TRAF3IP2: variants seen among roughly 807,000 people sequenced by gnomAD.
TRAF3IP2 encodes TRAF3 interacting protein 2.
In TRAF3IP2, 35 loss-of-function variants were observed where a neutral mutation model predicts 57.9. The observed-to-expected ratio is 0.60, with a 90% CI of 0.46 to 0.80. The LOEUF is 0.80. Among genes scored for constraint, TRAF3IP2 ranks in the 30% least tolerant of loss-of-function variants. The probability of loss-of-function intolerance (pLI) is 0.00; values close to 1 mark genes in which losing one functional copy is unlikely to be tolerated. For missense variants in TRAF3IP2, 556 were observed against 706.4 expected (o/e 0.79, Z 2.41); for synonymous variants, 251 against 268.9 (o/e 0.93, Z 0.65).
intron 8 of TRAF3IP2, 54 bp from the exon 9 acceptor site, chr6:111,559,605 C>A: frequency 6.3e-7 from 1 of 1,587,136 alleles, no homozygotes; most frequent in Non-Finnish European, 8.6e-7. Flanking sequence ...ACCTGGATGC[C>A]AGATCCCAGG....
intron 3 of TRAF3IP2, among the ~76,000 whole-genome samples, chr6:111,578,918 TCTA>T (rs1796076206): frequency 6.6e-6 from 1 of 152,236 alleles, no homozygotes; most frequent in Non-Finnish European, 1.5e-5. Flanking sequence ...AAACATTTAA[TCTA>T]CTTTCTTCCA....
chr6:111,572,160 C>T (rs1405795751), intron 5 of TRAF3IP2, among the ~76,000 whole-genome samples: 5 of 152,084 alleles, frequency 3.3e-5, no homozygotes. Context: ...AAGCCAGTCC[C>T]CTGAGTAGCA....
intron 7 of TRAF3IP2, among the ~76,000 whole-genome samples, chr6:111,564,876 G>A (rs1468913115): frequency 1.3e-5 from 2 of 152,148 alleles, no homozygotes; most frequent in East Asian, 1.9e-4. Context: ...CAGCTTCTGG[G>A]ACTGGCAGGT....
At chr6:111,592,775 A>G (rs533232412) in intron 1 of TRAF3IP2, among the ~76,000 whole-genome samples, 1 of 152,132 alleles carries the variant, frequency 6.6e-6, no homozygotes, top group Non-Finnish European at 1.5e-5. Context: ...TTAAGCAAAG[A>G]AAGCAAGCCC....
chr6:111,579,102 G>A (rs923246630), intron 3 of TRAF3IP2, among the ~76,000 whole-genome samples: 15 of 151,882 alleles, frequency 9.9e-5, no homozygotes, highest in African/African-American at 3.1e-4. Context: ...AGGCCGAGGC[G>A]GGCAGATCAC....
chr6:111,584,644 C>CAA (rs199673946), intron 2 of TRAF3IP2, among the ~76,000 whole-genome samples: 15 of 135,920 alleles, frequency 1.1e-4, no homozygotes, highest in South Asian at 2.4e-4. Flanking sequence ...AAAAAAATAC[C>CAA]AAAAAAAAAA....
In TRAF3IP2 at chr6:111,591,465, C is replaced by T. The variant is rs1029111917; in HGVS notation, c.622G>A (p.Gly208Ser). 5 of 1,598,528 alleles carry T rather than the reference C, an allele frequency of 3.1e-6. No individual in the cohort carries two copies. In the African/African-American group the frequency reaches 6.7e-5, roughly 21 times the overall value. The change falls in exon 2 of 9, where the codon GGC becomes AGC. Residue 208 changes from glycine to serine, a missense_variant. By Grantham distance (56) the Gly-to-Ser change is moderately conservative (BLOSUM62 0). Transcript: ENST00000368761. The surrounding 1 kb of genome is among the most constrained non-coding windows in gnomAD (Gnocchi z 4.9). ...AGGGGCCTTTCCAGCTGCCTGATGC[C>T]CAGGACATCCTGGGGCTGGGAATCA... ...GYDSQPQDVL[G>S]IRQLERPLPL... is the part of the protein sequence containing the mutation.
At chr6:111,563,075 A>G in intron 7 of TRAF3IP2, 36 bp from the exon 8 acceptor site, 2 of 1,517,252 alleles carry the variant, frequency 1.3e-6, no homozygotes, top group Non-Finnish European at 1.8e-6. Context: ...TAATTTCAGG[A>G]ATGAGGATGA....
intron 3 of TRAF3IP2, among the ~76,000 whole-genome samples, chr6:111,579,662 G>A (rs551756383): frequency 6.6e-6 from 1 of 152,108 alleles, no homozygotes; most frequent in Non-Finnish European, 1.5e-5. Flanking sequence ...AACCTGTAAG[G>A]TAGAGGTTGC....
At position 111,591,578 on chromosome 6, in the gene TRAF3IP2, G is replaced by T; in HGVS notation, c.509C>A (p.Ser170Tyr). ...CACCATCTCCTGGCTACCGCCCAAG[G>T]AGTCTGCTGAGGCATTAGGTAAACT... ...DQSLPNASAD[S>Y]LGGSQEMVQR... The change falls in exon 2 of 9, where the codon TCC becomes TAC. Residue 170 changes from serine (S) to tyrosine (Y), a missense_variant. By Grantham distance (144) the Ser-to-Tyr change is moderately radical. Around this residue, in one of 2 missense-constraint regions of TRAF3IP2, gnomAD observed 428 missense variants for 498.7 expected, o/e 0.86. Coordinates refer to ENST00000368761, the MANE Select transcript of TRAF3IP2 (RefSeq NM_147686.4). This position sits in a 1 kb window ranked among gnomAD's most constrained non-coding sequence, Gnocchi z 4.9. 3.1e-6 allele frequency: 5 copies of T among 1,614,258 alleles called. No individual in the cohort carries two copies. The highest frequency in any genetic ancestry group is 3.4e-6 in the Non-Finnish European group (4 of 1,180,036).
chr6:111,559,634 C>A, intron 8 of TRAF3IP2, 83 bp from the exon 9 acceptor site: 1 of 1,508,024 alleles, frequency 6.6e-7, no homozygotes, highest in Non-Finnish European at 9.0e-7. Context: ...CCAAACATTT[C>A]TGGCTTTCCC....
intron 2 of TRAF3IP2, among the ~76,000 whole-genome samples, chr6:111,586,442 G>A (rs1020230895): frequency 5.3e-5 from 8 of 152,272 alleles, no homozygotes; most frequent in African/African-American, 1.9e-4. Flanking sequence ...TCAGTGGAAG[G>A]ATTCGGAGGC....
At chr6:111,562,157 C>T (rs900457789) in intron 8 of TRAF3IP2, among the ~76,000 whole-genome samples, 2 of 152,166 alleles carry the variant, frequency 1.3e-5, no homozygotes, top group African/African-American at 2.4e-5. Flanking sequence ...GGTGGTTTTG[C>T]CCCCATTCTC....
chr6:111,569,682 G>A (rs1795769260), intron 5 of TRAF3IP2, among the ~76,000 whole-genome samples: 1 of 152,192 alleles, frequency 6.6e-6, no homozygotes, highest in Non-Finnish European at 1.5e-5. Flanking sequence ...CTTGAGCCTG[G>A]GAGGCAGAGG....
chr6:111,594,544 T>TA (rs767466717), intron 1 of TRAF3IP2: 3 of 448,058 alleles, frequency 6.7e-6, no homozygotes, highest in Non-Finnish European at 1.3e-5. Context: ...GAGGAGGCTT[T>TA]AAAAAAAGTG....
In TRAF3IP2 at chr6:111,556,297, T is replaced by C. The variant is rs934754961; in HGVS notation, c.*3108A>G. On this transcript the variant is annotated 3_prime_UTR_variant, in exon 9 of 9. Transcript: ENST00000368761. The stretch of plus-strand genomic sequence containing the variant: ...CAGCTGTAACACTTTAATGACTCTT[T>C]GTGGAACACCAGGGACCACTGCTCA... Among the ~76,000 whole-genome samples the C allele has an allele frequency of 8.5e-5, 13 of 152,072 alleles. No homozygotes were observed. The highest frequency in any genetic ancestry group is 2.9e-4 in the African/African-American group (12 of 41,392).
In TRAF3IP2 at chr6:111,563,633, T is replaced by A. The variant is rs184389976; in HGVS notation, c.1477-594A>T. ...AAGGACAGTTACAAAAGAGGGTTCA[T>A]TTGGGCACTGAAAGAAAAGATTTTG... On this transcript the variant is annotated intron_variant, in intron 7 of 8. Coordinates refer to ENST00000368761, the MANE Select transcript of TRAF3IP2 (RefSeq NM_147686.4). Among the ~76,000 whole-genome samples the A allele has an allele frequency of 8.5e-5, 13 of 152,290 alleles. No individual in the cohort carries two copies. In the East Asian group the frequency reaches 2.3e-3, roughly 27 times the overall value.
intron 1 of TRAF3IP2, among the ~76,000 whole-genome samples, chr6:111,599,281 A>T (rs1796790268): frequency 6.6e-6 from 1 of 151,954 alleles, no homozygotes; most frequent in Admixed American, 6.6e-5. Flanking sequence ...CTTGGATCTG[A>T]TGGGCATCTT....
At chr6:111,563,592 C>G (rs953194965) in intron 7 of TRAF3IP2, among the ~76,000 whole-genome samples, 1 of 152,146 alleles carries the variant, frequency 6.6e-6, no homozygotes, top group Non-Finnish European at 1.5e-5. Context: ...GCCATCCATT[C>G]TACATCAGAG....
Sources: allele counts gnomAD v4.1 joint callset (sites outside exome capture counted in the v4.1 genomes callset), GRCh38; gene constraint gnomAD v4.1.1; regional missense constraint gnomAD v4.1.1; non-coding constraint Gnocchi (gnomAD v3.1); transcripts MANE v1.5; gene names NCBI Gene and HGNC (gene_info 2026-07-23, HGNC 2026-07-21).